The following LRP6 variants were observed in gnomAD, a reference collection of about 807,000 sequenced individuals.
LRP6 encodes the protein low-density lipoprotein receptor-related protein 6.
Under a neutral mutation model 184.1 loss-of-function variants are expected in LRP6, and 43 were observed. The observed-to-expected ratio is 0.23, with a 90% CI of 0.18 to 0.30. The LOEUF is 0.30. Among genes scored for constraint, LRP6 ranks in the 10% least tolerant of loss-of-function variants. The probability of loss-of-function intolerance (pLI) is 1.00; values close to 1 mark genes in which losing one functional copy is unlikely to be tolerated. For synonymous variants in LRP6, 719 were observed against 684.9 expected (o/e 1.05, Z -0.78); for missense variants, 1,571 against 2,005.3 (o/e 0.78, Z 4.14).
At chr12:12,197,894 A>C (rs1863805966) in intron 3 of LRP6, among the ~76,000 whole-genome samples, 1 of 152,188 alleles carries the variant, frequency 6.6e-6, no homozygotes, top group Admixed American at 6.5e-5. Flanking sequence ...AATACAAAAA[A>C]TTAGTCAGGT....
chr12:12,126,869 A>C lies in LRP6; in HGVS notation c.4134T>G (p.Ile1378Met). The C allele has an allele frequency of 6.2e-7, 1 of 1,614,174 alleles. No individual in the cohort carries two copies. Among genetic ancestry groups the C allele is most frequent in the Non-Finnish European group, 8.5e-7 (1 of 1,180,010 alleles). ...PQATNTVGSVIGVIVTIFVSG... is the reference protein window; with the variant it reads ...PQATNTVGSVMGVIVTIFVSG... The stretch of plus-strand genomic sequence containing the variant: ...ACACAAAAATGGTGACAATTACGCC[A>C]ATAACAGAACCAACTGTATTGGTGG... The change falls in exon 20 of 23, where the codon ATT (isoleucine) becomes ATG (methionine). Residue 1378 changes from isoleucine to methionine, a missense_variant. By Grantham distance (10) the Ile-to-Met change is conservative (BLOSUM62 1). Coordinates refer to ENST00000261349, the MANE Select transcript of LRP6 (RefSeq NM_002336.3).
intron 7 of LRP6, among the ~76,000 whole-genome samples, chr12:12,171,427 C>T (rs1863039696): frequency 6.6e-6 from 1 of 151,940 alleles, no homozygotes; most frequent in Non-Finnish European, 1.5e-5. Flanking sequence ...GAGGTTGAGG[C>T]AGGAGGATGG....
chr12:12,147,594 AAG>A, intron 14 of LRP6, 38 bp from the exon 15 acceptor site: 1 of 1,434,512 alleles, frequency 7.0e-7, no homozygotes, highest in Non-Finnish European at 9.8e-7. Flanking sequence ...TTACTGGAGT[AAG>A]AAACCACATA....
intron 15 of LRP6, among the ~76,000 whole-genome samples, chr12:12,141,241 A>C (rs1949930455): frequency 6.6e-6 from 1 of 151,960 alleles, no homozygotes; most frequent in South Asian, 2.1e-4. Flanking sequence ...AGAAGGGAGG[A>C]ATCAAACAAA....
At chr12:12,206,048 C>T (rs573270110) in intron 2 of LRP6, among the ~76,000 whole-genome samples, 2 of 152,154 alleles carry the variant, frequency 1.3e-5, no homozygotes, top group African/African-American at 2.4e-5. Flanking sequence ...CATTCAGTAT[C>T]GTAGCATGCT....
At chr12:12,205,249 G>A (rs981820379) in intron 2 of LRP6, among the ~76,000 whole-genome samples, 1 of 148,286 alleles carries the variant, frequency 6.7e-6, no homozygotes, top group Non-Finnish European at 1.5e-5. Flanking sequence ...TCCAGGAGGC[G>A]GATGTTGCCT....
At chr12:12,159,998 A>G in intron 10 of LRP6, 34 bp from the exon 11 acceptor site, 1 of 1,462,320 alleles carries the variant, frequency 6.8e-7, no homozygotes, top group African/African-American at 1.4e-5. Flanking sequence ...TAACATTTCA[A>G]TTTTTTATTA....
At chr12:12,130,456 G>A (rs529938449) in intron 19 of LRP6, among the ~76,000 whole-genome samples, 1 of 152,180 alleles carries the variant, frequency 6.6e-6, no homozygotes, top group African/African-American at 2.4e-5. Flanking sequence ...AAAGTGCTGG[G>A]ATTACAGGTG....
At chr12:12,251,877 A>AT (rs968545914) in intron 1 of LRP6, among the ~76,000 whole-genome samples, 6 of 151,804 alleles carry the variant, frequency 4.0e-5, no homozygotes, top group African/African-American at 1.4e-4. Context: ...TTTTTTCAAT[A>AT]TTTTTTTTAA....
intron 1 of LRP6, among the ~76,000 whole-genome samples, chr12:12,260,091 A>C (rs1865573506): frequency 6.6e-6 from 1 of 152,150 alleles, no homozygotes; most frequent in Non-Finnish European, 1.5e-5. Flanking sequence ...TTTAGAAATA[A>C]ATTTAGGCCA....
chr12:12,189,580 C>T (rs1863560610), intron 3 of LRP6, among the ~76,000 whole-genome samples: 1 of 152,106 alleles, frequency 6.6e-6, no homozygotes, highest in African/African-American at 2.4e-5. Context: ...TGGCTCACTG[C>T]AACCTCCGCC....
intron 2 of LRP6, among the ~76,000 whole-genome samples, chr12:12,232,827 T>C (rs1864827835): frequency 2.0e-5 from 3 of 151,978 alleles, no homozygotes; most frequent in African/African-American, 7.2e-5. Context: ...TTTGGCAAAA[T>C]ACAAAAGGAT....
intron 2 of LRP6, among the ~76,000 whole-genome samples, chr12:12,231,855 A>T (rs1864798223): frequency 6.6e-6 from 1 of 152,042 alleles, no homozygotes; most frequent in Non-Finnish European, 1.5e-5. Context: ...TCTCTACAAA[A>T]GATATGAAAA....
intron 3 of LRP6, among the ~76,000 whole-genome samples, chr12:12,188,564 C>T (rs564211075): frequency 6.6e-6 from 1 of 152,196 alleles, no homozygotes; most frequent in Admixed American, 6.5e-5. Context: ...TACGTGTAAG[C>T]AGGATTACCG....
At chr12:12,260,368 A>G (rs1865581324) in intron 1 of LRP6, among the ~76,000 whole-genome samples, 1 of 135,306 alleles carries the variant, frequency 7.4e-6, no homozygotes, top group African/African-American at 2.7e-5. Context: ...ACTGAGCAAG[A>G]CTCCGTCTCA....
intron 7 of LRP6, among the ~76,000 whole-genome samples, chr12:12,176,843 C>T (rs919710069): frequency 9.7e-6 from 1 of 103,118 alleles, no homozygotes; most frequent in Non-Finnish European, 1.9e-5. Flanking sequence ...TGAGCCCAAA[C>T]TTTTTTTTTT....
chr12:12,240,602 T>C (rs945079149), intron 2 of LRP6, among the ~76,000 whole-genome samples: 1 of 151,934 alleles, frequency 6.6e-6, no homozygotes, highest in Non-Finnish European at 1.5e-5. Context: ...TAAATAAAAA[T>C]ACATACTTTT....
intron 1 of LRP6, among the ~76,000 whole-genome samples, chr12:12,255,634 G>A (rs893135304): frequency 2.1e-5 from 3 of 146,200 alleles, no homozygotes; most frequent in Admixed American, 7.0e-5. Flanking sequence ...GCAGTGGTGC[G>A]ATCTCATCTC....
chr12:12,199,556 C>G (rs113283836), intron 3 of LRP6, among the ~76,000 whole-genome samples: 2,849 of 152,284 alleles, frequency 0.019, 64 homozygotes, highest in Non-Finnish European at 0.024. Flanking sequence ...GAGAGCGTCT[C>G]TCAGACAGCT....
Sources: allele counts gnomAD v4.1 joint callset (sites outside exome capture counted in the v4.1 genomes callset), GRCh38; gene constraint gnomAD v4.1.1; transcripts MANE v1.5; gene names NCBI Gene and HGNC (gene_info 2026-07-23, HGNC 2026-07-21).